WDR93: variants seen among roughly 807,000 people sequenced by gnomAD.
WDR93 encodes the protein WD repeat-containing protein 93.
In WDR93, 73 loss-of-function variants were observed where a neutral mutation model predicts 82.9. The observed-to-expected ratio is 0.88, with a 90% confidence interval of 0.73 to 1.07. The LOEUF is 1.07. Among genes scored for constraint, WDR93 ranks in the 50% least tolerant of loss-of-function variants. WDR93 has a pLI of 0.00. For synonymous variants in WDR93, 283 were observed against 300.1 expected, an observed-to-expected ratio of 0.94 and a Z score of 0.59; for missense variants, 738 against 826.0, an observed-to-expected ratio of 0.89 and a Z score of 1.31.
At chr15:89,725,584 T>C (rs907278242) in intron 8 of WDR93, among the ~76,000 whole-genome samples, 27 of 151,758 alleles carry the variant, frequency 1.8e-4, no homozygotes, top group Non-Finnish European at 1.3e-4. Flanking sequence ...TTTTTTTCTT[T>C]TTGAGACAGG....
At chr15:89,691,211 G>A (rs964038126) in intron 1 of WDR93, among the ~76,000 whole-genome samples, 14 of 152,210 alleles carry the variant, frequency 9.2e-5, no homozygotes, top group African/African-American at 3.4e-4. Flanking sequence ...TAGCATGGGA[G>A]GCGGATGAAG....
At chr15:89,699,183 G>C (rs750997609) in intron 1 of WDR93, among the ~76,000 whole-genome samples, 6 of 151,906 alleles carry the variant, frequency 3.9e-5, no homozygotes, top group Non-Finnish European at 7.4e-5. Flanking sequence ...TTTCTTTTAC[G>C]TTATTTATTT....
intron 1 of WDR93, among the ~76,000 whole-genome samples, chr15:89,692,299 A>T (rs987576106): frequency 1.3e-5 from 2 of 152,038 alleles, no homozygotes; most frequent in African/African-American, 4.8e-5. Context: ...CATGGTCTAG[A>T]CTCCAGAAGA....
chr15:89,692,110 T>C (rs1400594898), intron 1 of WDR93, among the ~76,000 whole-genome samples: 1 of 152,154 alleles, frequency 6.6e-6, no homozygotes, highest in Non-Finnish European at 1.5e-5. Flanking sequence ...ATCCTGATAC[T>C]CCAAGCCACA....
upstream of WDR93, chr15:89,690,705 G>C: frequency 9.1e-7 from 1 of 1,101,288 alleles, no homozygotes; most frequent in Non-Finnish European, 1.3e-6. Context: ...GGATCCCCAG[G>C]GAACGGTCAG....
At chr15:89,739,865 G>C (rs998396980) in intron 16 of WDR93, among the ~76,000 whole-genome samples, 1 of 152,014 alleles carries the variant, frequency 6.6e-6, no homozygotes, top group Non-Finnish European at 1.5e-5. Flanking sequence ...GTCACTTCAC[G>C]ACTATTTCCC....
chr15:89,736,090 C>T (rs1967145569), intron 14 of WDR93, among the ~76,000 whole-genome samples: 1 of 152,140 alleles, frequency 6.6e-6, no homozygotes, highest in Non-Finnish European at 1.5e-5. Context: ...ACAGATGTGT[C>T]CCTGTGTGGG....
intron 9 of WDR93, among the ~76,000 whole-genome samples, chr15:89,728,729 A>G (rs1966832997): frequency 6.6e-6 from 1 of 152,144 alleles, no homozygotes; most frequent in Non-Finnish European, 1.5e-5. Context: ...CTTTAAGGAC[A>G]TCTTCCCCAA....
intron 13 of WDR93, among the ~76,000 whole-genome samples, chr15:89,735,026 T>C (rs76252829): frequency 2.7e-3 from 404 of 150,824 alleles, no homozygotes; most frequent in African/African-American, 9.0e-3. Flanking sequence ...CCGTGCATCC[T>C]TCTTTCCTTT....
intron 2 of WDR93, 54 bp from the exon 3 acceptor site, chr15:89,702,896 T>C (rs1392222514): frequency 6.4e-7 from 1 of 1,564,310 alleles, no homozygotes; most frequent in Non-Finnish European, 8.7e-7. Flanking sequence ...AGCTAACTCA[T>C]AATATTTGAA....
chr15:89,733,397 A>ACATTTCTAAC (rs2141698873), intron 13 of WDR93, among the ~76,000 whole-genome samples, 178 bp downstream of exon 13: 1 of 152,284 alleles, frequency 6.6e-6, no homozygotes, highest in South Asian at 2.1e-4. Context: ...TTTCTAACAA[A>ACATTTCTAAC]ATTGTATGAT....
chr15:89,732,615 CCACA>C (rs58806438), intron 12 of WDR93, among the ~76,000 whole-genome samples: 4,125 of 148,522 alleles, frequency 0.028, 165 homozygotes, highest in African/African-American at 0.091. Context: ...TGTTGTTTGG[CCACA>C]CACACACACA....
intron 1 of WDR93, among the ~76,000 whole-genome samples, chr15:89,691,100 C>T (rs1964852785): frequency 6.6e-6 from 1 of 152,054 alleles, no homozygotes; most frequent in South Asian, 2.1e-4. Context: ...GGGGCCTAAT[C>T]ATTTCCCAGC....
intron 1 of WDR93, among the ~76,000 whole-genome samples, chr15:89,694,838 T>C (rs903588222): frequency 5.9e-5 from 9 of 152,360 alleles, no homozygotes; most frequent in South Asian, 4.1e-4. Flanking sequence ...TGATTTTACT[T>C]TGAGTTAATT....
At chr15:89,731,302 G>T (rs1966856300) in intron 11 of WDR93, 141 bp from the exon 12 acceptor site, 3 of 1,201,486 alleles carry the variant, frequency 2.5e-6, no homozygotes, top group Non-Finnish European at 3.5e-6. Context: ...TAAAGAGAAG[G>T]ATGATGGTGA....
At chr15:89,735,616 T>C in intron 14 of WDR93, 63 bp downstream of exon 14, 1 of 1,524,930 alleles carries the variant, frequency 6.6e-7, no homozygotes, top group East Asian at 2.3e-5. Flanking sequence ...GTGAATGTGT[T>C]CATCTGTCCT....
In WDR93 at chr15:89,701,939, A is replaced by T. The variant is rs748398112; in HGVS notation, c.193A>T (p.Asn65Tyr). 1.9e-6 allele frequency: 3 copies of T among 1,614,178 alleles called. No homozygotes were observed. ...QPYRMINKLV[N>Y]LLFDQSWEII... ...TTATCGAATGATCAACAAGCTGGTG[A>T]ACCTTCTGTTTGACCAGTCTTGGGA... is the stretch of plus-strand genomic sequence containing the variant. The change falls in exon 2 of 17, where the codon AAC (asparagine) becomes TAC (tyrosine). Residue 65 changes from asparagine to tyrosine, a missense_variant. Transcript: ENST00000268130.
In WDR93 at chr15:89,735,567, G is replaced by A; in HGVS notation, c.1608+14G>A. The A allele has an allele frequency of 6.2e-7, 1 of 1,613,250 alleles. No homozygotes were observed. Among genetic ancestry groups the A allele is most frequent in the Non-Finnish European group, 8.5e-7 (1 of 1,179,220 alleles). ...TTACCTGGCATGGTAGGTTCCCCAT[G>A]CCTCTCTGTAAATGCCCCATGCCTC... On this transcript the variant is annotated intron_variant, in intron 14 of 16. Coordinates refer to ENST00000268130, the MANE Select transcript of WDR93 (RefSeq NM_020212.2).
intron 3 of WDR93, chr15:89,704,004 C>T (rs1444582017): frequency 2.0e-5 from 3 of 152,032 alleles, no homozygotes; most frequent in African/African-American, 7.2e-5. Flanking sequence ...AAATTCTGAA[C>T]ATCTGAACCA....
Sources: gnomAD v4.1 joint callset for allele counts (sites outside exome capture counted in the v4.1 genomes callset) on GRCh38, gnomAD v4.1.1 for gene constraint, MANE v1.5 for transcripts, NCBI Gene and HGNC (gene_info 2026-07-23, HGNC 2026-07-21) for gene names.